Variants in OR9Q1 observed in about 807,000 individuals in gnomAD.
OR9Q1 encodes the protein olfactory receptor 9Q1.
For synonymous variants in OR9Q1, 153 were observed against 148.6 expected (o/e 1.03, Z -0.22); for missense variants, 374 against 378.8 (o/e 0.99, Z 0.11).
intron 2 of OR9Q1, among the ~76,000 whole-genome samples, chr11:58,064,054 G>A (rs543184001): frequency 1.3e-5 from 2 of 152,208 alleles, no homozygotes; most frequent in East Asian, 3.9e-4. Flanking sequence ...TATTAATCCT[G>A]GGGATTCCAG....
rs1311672189 is a variant in OR9Q1 at position 58,027,475 on chromosome 11, AAAAC to A, written c.-93+3379_-93+3382del. On this transcript the variant is annotated intron_variant, in intron 1 of 2. Transcript: ENST00000335397. The stretch of plus-strand genomic sequence containing the variant: ...GGGTTTTACGTTTTAAAGAGTTGCA[AAAAC>A]AAACAAAATAAACCCACAGAGAAGA... Among the ~76,000 whole-genome samples the A allele has an allele frequency of 3.3e-5, 5 of 152,344 alleles. No individual in the cohort carries two copies. The East Asian group carries it at 5.8e-4, about 18-fold the overall frequency.
chr11:58,031,430 C>A (rs747615226), intron 1 of OR9Q1: 2 of 1,614,080 alleles, frequency 1.2e-6, no homozygotes, highest in Admixed American at 3.3e-5. Context: ...TTTCCTCACA[C>A]CCATCTTGCC....
chr11:58,054,462 A>G (rs1455391192), intron 1 of OR9Q1, among the ~76,000 whole-genome samples: 2 of 152,142 alleles, frequency 1.3e-5, no homozygotes, highest in African/African-American at 4.8e-5. Flanking sequence ...TACCAATACC[A>G]ATACCAATAT....
chr11:58,125,257 A>AT (rs1554969756), intron 2 of OR9Q1: 3 of 115,486 alleles, frequency 2.6e-5, no homozygotes, highest in African/African-American at 6.5e-5. Context: ...CCCAAAAAAA[A>AT]GCTGATCCAG....
intron 2 of OR9Q1, among the ~76,000 whole-genome samples, chr11:58,075,930 T>G (rs1222578475): frequency 6.6e-6 from 1 of 152,206 alleles, no homozygotes; most frequent in East Asian, 1.9e-4. Context: ...GGATATGCAT[T>G]AACTCAGGGA....
intron 2 of OR9Q1, among the ~76,000 whole-genome samples, chr11:58,058,769 A>G (rs925415948): frequency 1.3e-5 from 2 of 152,182 alleles, no homozygotes; most frequent in Non-Finnish European, 2.9e-5. Flanking sequence ...CTGCTTCTGC[A>G]GCTGCTGATC....
chr11:58,081,578 G>A (rs1853587470), intron 2 of OR9Q1, among the ~76,000 whole-genome samples: 1 of 152,148 alleles, frequency 6.6e-6, no homozygotes, highest in Non-Finnish European at 1.5e-5. Flanking sequence ...GTGATGATGA[G>A]CTTGTTTTCA....
chr11:58,032,087 A>C (rs1853047136), intron 1 of OR9Q1, among the ~76,000 whole-genome samples: 1 of 152,204 alleles, frequency 6.6e-6, no homozygotes, highest in South Asian at 2.1e-4. Flanking sequence ...ACCACAAAAC[A>C]CTGCTAAAAG....
chr11:58,049,490 A>G (rs1301344243), intron 1 of OR9Q1, among the ~76,000 whole-genome samples: 5 of 68,020 alleles, frequency 7.4e-5, no homozygotes, highest in Non-Finnish European at 1.1e-4. Context: ...AGCCAATATT[A>G]TACTGAATGG....
At chr11:58,145,178 G>A (rs2441983) in intron 2 of OR9Q1, 19,956 of 152,214 alleles carry the variant, frequency 0.13, 2,022 homozygotes, top group Admixed American at 0.25. Flanking sequence ...ACAGCAGGTG[G>A]AAAGCCAAGA....
At chr11:58,031,685 T>C in intron 1 of OR9Q1, 1 of 1,613,972 alleles carries the variant, frequency 6.2e-7, no homozygotes, top group Non-Finnish European at 8.5e-7. Context: ...CTTCTCTACC[T>C]GTGCAGCTCA....
At position 58,137,439 on chromosome 11, in the gene OR9Q1, A is replaced by C. The variant is rs150865895; in HGVS notation, c.-14-41992A>C. Among the ~76,000 whole-genome samples, 376 of 152,326 alleles carry C rather than the reference A, an allele frequency of 2.5e-3. 3 individuals are homozygous for C. The highest frequency in any genetic ancestry group is 4.6e-3 in the Admixed American group (70 of 15,292). On this transcript the variant is annotated intron_variant, in intron 2 of 2. Transcript: ENST00000335397. ...CTGCAGATAAGACATGAAGAATAAA[A>C]ATGATGCTACAAAGAGGAGAACAGG...
At chr11:58,093,624 G>C (rs1853703932) in intron 2 of OR9Q1, among the ~76,000 whole-genome samples, 1 of 151,926 alleles carries the variant, frequency 6.6e-6, no homozygotes, top group African/African-American at 2.4e-5. Flanking sequence ...GCTGGGCATG[G>C]TGGTGGGTGC....
At chr11:58,045,018 T>G (rs1489499848) in intron 1 of OR9Q1, 1 of 152,158 alleles carries the variant, frequency 6.6e-6, no homozygotes, top group Non-Finnish European at 1.5e-5. Context: ...ATGATATAGT[T>G]AAAAATATTG....
At chr11:58,048,679 A>AAAAAAATATATATATAT (rs745596668) in intron 1 of OR9Q1, among the ~76,000 whole-genome samples, 3 of 131,432 alleles carry the variant, frequency 2.3e-5, no homozygotes, top group South Asian at 2.8e-4. Context: ...TAAAAAAAAA[A>AAAAAAATATATATATAT]ATATATATAT....
chr11:58,161,874 G>A (rs1447920394), intron 2 of OR9Q1, among the ~76,000 whole-genome samples: 1 of 152,168 alleles, frequency 6.6e-6, no homozygotes, highest in African/African-American at 2.4e-5. Flanking sequence ...AGTCCAAACT[G>A]TTATATCCAA....
intron 2 of OR9Q1, chr11:58,118,726 G>A: frequency 6.2e-7 from 1 of 1,614,078 alleles, no homozygotes; most frequent in Non-Finnish European, 8.5e-7. Context: ...AGAGGCACAT[G>A]TGGAGAAAGT....
intron 2 of OR9Q1, among the ~76,000 whole-genome samples, chr11:58,178,954 CATATAAT>C (rs1160631805): frequency 7.7e-5 from 7 of 90,842 alleles, no homozygotes; most frequent in African/African-American, 2.2e-4. Context: ...TATATATTTA[CATATAAT>C]ATACATAATA....
At chr11:58,117,614 G>C (rs1853969534) in intron 2 of OR9Q1, 1 of 152,150 alleles carries the variant, frequency 6.6e-6, no homozygotes, top group African/African-American at 2.4e-5. Flanking sequence ...ATTAGAGAAG[G>C]TAATATGGGG....
Sources: allele counts gnomAD v4.1 joint callset (sites outside exome capture counted in the v4.1 genomes callset), GRCh38; gene constraint gnomAD v4.1.1; transcripts MANE v1.5; gene names NCBI Gene and HGNC (gene_info 2026-07-23, HGNC 2026-07-21).